Variants in ARHGAP19 observed in about 807,000 individuals in gnomAD.
ARHGAP19 encodes the protein Rho GTPase activating protein 19.
In ARHGAP19, 48 loss-of-function variants were observed where a neutral mutation model predicts 60.9. That is an observed-to-expected ratio of 0.79 (90% CI 0.62 to 1.00). The LOEUF (loss-of-function observed/expected upper bound fraction) is 1.00. Among genes scored for constraint, ARHGAP19 ranks in the 50% least tolerant of loss-of-function variants. The probability of loss-of-function intolerance (pLI) is 0.00; values close to 1 mark genes in which losing one functional copy is unlikely to be tolerated. For missense variants in ARHGAP19, 562 were observed against 597.2 expected, an observed-to-expected ratio of 0.94 and a Z score of 0.61; for synonymous variants, 209 against 215.5, an observed-to-expected ratio of 0.97 and a Z score of 0.27.
chr10:97,264,017 C>T (rs987677774), intron 3 of ARHGAP19, among the ~76,000 whole-genome samples: 3 of 152,224 alleles, frequency 2.0e-5, no homozygotes, highest in African/African-American at 7.2e-5. Flanking sequence ...CTACATACAT[C>T]TGTGGATGTT....
intron 6 of ARHGAP19, among the ~76,000 whole-genome samples, chr10:97,254,797 A>G (rs943258041): frequency 3.3e-5 from 5 of 152,214 alleles, no homozygotes; most frequent in African/African-American, 1.2e-4. Context: ...ATAAAGGATG[A>G]TATCTGGAAT....
In ARHGAP19 at chr10:97,223,883, A is replaced by G. The variant is rs2134791374; in HGVS notation, c.*2239T>C. On this transcript the variant is annotated 3_prime_UTR_variant, in exon 12 of 12. Coordinates refer to ENST00000358531, the MANE Select transcript of ARHGAP19 (RefSeq NM_032900.6). The stretch of plus-strand genomic sequence containing the variant: ...TCTAAGTCGATCACAGCTTCTATTA[A>G]GAAAAATGACCTATAAAACCCCTAA... 1.3e-5 allele frequency: 2 copies of G among 152,354 alleles called. No homozygotes were observed. The highest frequency in any genetic ancestry group is 6.8e-3 in the Middle Eastern group (2 of 294). 9.4% of individuals were successfully genotyped at this position (152,354 alleles called of 1,614,324 possible).
chr10:97,239,545 AG>A (rs1774809603), intron 8 of ARHGAP19, among the ~76,000 whole-genome samples: 2 of 122,182 alleles, frequency 1.6e-5, no homozygotes, highest in Admixed American at 8.5e-5. Flanking sequence ...AGAGAGAGAG[AG>A]AGAGGGTGTG....
At chr10:97,243,793 C>T (rs922516747) in intron 8 of ARHGAP19, among the ~76,000 whole-genome samples, 175 bp downstream of exon 8, 8 of 152,144 alleles carry the variant, frequency 5.3e-5, no homozygotes, top group African/African-American at 1.9e-4. Flanking sequence ...CAAGAGACTC[C>T]ACTCCCTTCT....
chr10:97,264,610 G>A (rs993516297), intron 3 of ARHGAP19, among the ~76,000 whole-genome samples: 4 of 152,088 alleles, frequency 2.6e-5, no homozygotes, highest in Admixed American at 6.5e-5. Context: ...TCATAGACAC[G>A]GTCTAATTTA....
intron 1 of ARHGAP19, among the ~76,000 whole-genome samples, chr10:97,272,307 TG>T (rs1842970700): frequency 6.6e-6 from 1 of 151,948 alleles, no homozygotes; most frequent in South Asian, 2.1e-4. Context: ...CTAATTTTTT[TG>T]TATTTTAGTA....
In ARHGAP19 at chr10:97,292,580, G is replaced by T. The variant is rs767978615; in HGVS notation, c.48C>A (p.Ser16=). The stretch of plus-strand genomic sequence containing the variant: ...GACCAAACTCAGCTCACCTCCGGCC[G>T]GATTCGCGGGCTGGCACCTCCCCTT... The part of the protein sequence containing the change: ...QSEGEVPARE[S]GRSDAICSFV... Residue 16 remains serine, a synonymous_variant, in exon 1 of 12, where the codon TCC becomes TCA. Transcript: ENST00000358531. 1.2e-6 allele frequency: 2 copies of T among 1,614,148 alleles called. No individual in the cohort carries two copies. The highest frequency in any genetic ancestry group is 4.5e-5 in the East Asian group (2 of 44,884).
chr10:97,270,947 G>A (rs1000308156), intron 1 of ARHGAP19, among the ~76,000 whole-genome samples: 10 of 152,198 alleles, frequency 6.6e-5, no homozygotes, highest in Admixed American at 6.5e-4. Flanking sequence ...ATAACAGGTA[G>A]TTTTACAATA....
chr10:97,237,874 A>C (rs1842407295), intron 8 of ARHGAP19, among the ~76,000 whole-genome samples: 1 of 152,166 alleles, frequency 6.6e-6, no homozygotes, highest in Non-Finnish European at 1.5e-5. Context: ...CTATCTCCAA[A>C]AAAAAACAAA....
intron 1 of ARHGAP19, among the ~76,000 whole-genome samples, chr10:97,283,088 C>A (rs946155332): frequency 2.0e-5 from 3 of 151,840 alleles, no homozygotes; most frequent in Non-Finnish European, 2.9e-5. Context: ...GGCAATCCAC[C>A]CACCTCAGCC....
At position 97,259,275 on chromosome 10, in the gene ARHGAP19, A is replaced by T. The variant is rs1197166902; in HGVS notation, c.840+127T>A. ...TGACTCTTCAATGAACTAATAAAGTAAGTTCCCAACCTCATAAAGCTGAAG... is the reference window on the plus strand; with the variant it reads ...TGACTCTTCAATGAACTAATAAAGTTAGTTCCCAACCTCATAAAGCTGAAG... On this transcript the variant is annotated intron_variant, in intron 5 of 11. Coordinates refer to ENST00000358531, the MANE Select transcript of ARHGAP19 (RefSeq NM_032900.6). 6.8e-6 allele frequency: 5 copies of T among 738,438 alleles called. No homozygotes were observed. In the African/African-American group the frequency reaches 8.8e-5, roughly 13 times the overall value. 45.7% of individuals were successfully genotyped at this position (738,438 alleles called of 1,614,324 possible).
At chr10:97,257,555 C>T (rs1842773004) in intron 5 of ARHGAP19, among the ~76,000 whole-genome samples, 1 of 152,146 alleles carries the variant, frequency 6.6e-6, no homozygotes, top group Admixed American at 6.5e-5. Context: ...GTCCTCCTAC[C>T]TCAGCCTCCC....
chr10:97,281,272 G>C (rs1267388949), intron 1 of ARHGAP19, among the ~76,000 whole-genome samples: 1 of 151,666 alleles, frequency 6.6e-6, no homozygotes, highest in Non-Finnish European at 1.5e-5. Flanking sequence ...ATGGTTGCTT[G>C]AGTCTACGGT....
In ARHGAP19 at chr10:97,266,138, G is replaced by C; in HGVS notation, c.57-13C>G. ...GCAGATGGCATCACTGAAAAACACAGAAGAAAATCTTTCGGGACATCATTT... is the reference window on the plus strand; with the variant it reads ...GCAGATGGCATCACTGAAAAACACACAAGAAAATCTTTCGGGACATCATTT... On this transcript the variant is annotated splice_polypyrimidine_tract_variant and intron_variant, in intron 1 of 11. Transcript: ENST00000358531. 6.2e-7 allele frequency: 1 copy of C among 1,612,050 alleles called. No homozygotes were observed. The highest frequency in any genetic ancestry group is 1.1e-5 in the South Asian group (1 of 91,044).
At position 97,232,618 on chromosome 10, in the gene ARHGAP19, T is replaced by C. The variant is rs138297693; in HGVS notation, c.1284+2599A>G. Among the ~76,000 whole-genome samples, 151 of 152,338 alleles carry C rather than the reference T, an allele frequency of 9.9e-4. No homozygotes were observed. In the Middle Eastern group the frequency reaches 0.017, roughly 17 times the overall value. ...CACTCTGTAGATGGCAAAGGAAATT[T>C]TGATGTCAAGTAAGCCTAATGTCCT... is the stretch of plus-strand genomic sequence containing the variant. On this transcript the variant is annotated intron_variant, in intron 9 of 11. Coordinates refer to ENST00000358531, the MANE Select transcript of ARHGAP19 (RefSeq NM_032900.6).
At chr10:97,288,951 A>C (rs1843193095) in intron 1 of ARHGAP19, among the ~76,000 whole-genome samples, 1 of 149,566 alleles carries the variant, frequency 6.7e-6, no homozygotes, top group Non-Finnish European at 1.5e-5. Context: ...AGTAGCTGGG[A>C]CTACAGGTGC....
At chr10:97,229,124 CAG>C in intron 11 of ARHGAP19, 21 bp downstream of exon 11, 1 of 1,588,838 alleles carries the variant, frequency 6.3e-7, no homozygotes, top group Non-Finnish European at 8.6e-7. Flanking sequence ...TTAGTAAGAA[CAG>C]AGAGTAAGTA....
chr10:97,235,207 G>T lies in ARHGAP19; in HGVS notation c.1284+10C>A. 6.3e-7 allele frequency: 1 copy of T among 1,596,590 alleles called. No homozygotes were observed. Among genetic ancestry groups the T allele is most frequent in the Non-Finnish European group, 8.6e-7 (1 of 1,166,694 alleles). On this transcript the variant is annotated intron_variant, in intron 9 of 11. Transcript: ENST00000358531. ...AATCAATGCTGAAAACGACAGCCCA[G>T]CATACCTACCTTAATAAGCCCACTG... is the stretch of plus-strand genomic sequence containing the variant.
rs1048695926 is a variant in ARHGAP19, at chr10:97,259,337, C to T, written c.840+65G>A. 6 of 1,242,088 alleles carry T rather than the reference C, an allele frequency of 4.8e-6. No homozygotes were observed. The Admixed American group carries it at 8.5e-5, about 18-fold the overall frequency. 76.9% of individuals were successfully genotyped at this position (1,242,088 alleles called of 1,614,324 possible). On this transcript the variant is annotated intron_variant, in intron 5 of 11. Coordinates refer to ENST00000358531, the MANE Select transcript of ARHGAP19 (RefSeq NM_032900.6). ...GACCCTTGATAATCTCACCAATGTA[C>T]AGCCATAGAATGAGGCCCAGCCCAA...
Sources: allele counts gnomAD v4.1 joint callset (sites outside exome capture counted in the v4.1 genomes callset), GRCh38; gene constraint gnomAD v4.1.1; transcripts MANE v1.5; gene names NCBI Gene and HGNC (gene_info 2026-07-23, HGNC 2026-07-21).